LATS2: variants seen among roughly 807,000 people sequenced by gnomAD.
LATS2 encodes the protein large tumor suppressor kinase 2, also known as serine/threonine-protein kinase LATS2.
Under a neutral mutation model 76.0 loss-of-function variants are expected in LATS2, and 24 were observed. That is an observed-to-expected ratio of 0.32 (90% CI 0.23 to 0.44). The LOEUF is 0.44. Among genes scored for constraint, LATS2 ranks in the 20% least tolerant of loss-of-function variants. The pLI is 1.00. For missense variants in LATS2, 1,286 were observed against 1,481.2 expected, an observed-to-expected ratio of 0.87 and a Z score of 2.16; for synonymous variants, 692 against 635.4, an observed-to-expected ratio of 1.09 and a Z score of -1.34.
chr13:21,024,897 C>G (rs955286734), intron 2 of LATS2, among the ~76,000 whole-genome samples: 9 of 152,188 alleles, frequency 5.9e-5, no homozygotes, highest in Non-Finnish European at 1.0e-4. Context: ...TCCAAAGCCA[C>G]GCATGGCCTG....
At chr13:20,975,881 A>G (rs1869601214) in intron 7 of LATS2, among the ~76,000 whole-genome samples, 1 of 152,162 alleles carries the variant, frequency 6.6e-6, no homozygotes, top group South Asian at 2.1e-4. Flanking sequence ...ACAGGGTTTC[A>G]CCACGTTGGC....
intron 2 of LATS2, among the ~76,000 whole-genome samples, chr13:21,007,704 GTATATATA>G (rs1319851169): frequency 4.0e-4 from 1 of 2,488 alleles, no homozygotes; most frequent in African/African-American, 2.0e-3. Flanking sequence ...TATATAGTAT[GTATATATA>G]TATATATATA....
chr13:21,054,476 G>C (rs905553156), intron 1 of LATS2, among the ~76,000 whole-genome samples: 1 of 152,116 alleles, frequency 6.6e-6, no homozygotes, highest in Non-Finnish European at 1.5e-5. Flanking sequence ...CCTAGGGACT[G>C]GGTAGGATAT....
At chr13:21,003,836 A>G (rs1004957440) in intron 2 of LATS2, among the ~76,000 whole-genome samples, 3 of 152,156 alleles carry the variant, frequency 2.0e-5, no homozygotes, top group Non-Finnish European at 2.9e-5. Flanking sequence ...AGCCTCCCAA[A>G]GTGCTGGGAG....
At chr13:21,002,182 G>C (rs182543903) in intron 2 of LATS2, among the ~76,000 whole-genome samples, 11 of 151,952 alleles carry the variant, frequency 7.2e-5, no homozygotes, top group Non-Finnish European at 1.6e-4. Context: ...TAAAGTGCTG[G>C]GATTACACGT....
At chr13:21,053,556 A>G (rs1873350653) in intron 1 of LATS2, among the ~76,000 whole-genome samples, 1 of 152,140 alleles carries the variant, frequency 6.6e-6, no homozygotes, top group South Asian at 2.1e-4. Flanking sequence ...CTGCGTCCTC[A>G]GTTCCACACT....
Position 20,973,170 on chromosome 13 carries a change from TAAC to T in LATS2, c.*1697_*1699del. 1 of 232,606 alleles carries T rather than the reference TAAC, an allele frequency of 4.3e-6. No individual in the cohort carries two copies. Among genetic ancestry groups the T allele is most frequent in the Non-Finnish European group, 8.5e-6 (1 of 117,458 alleles). The allele number at this position is 232,606 out of a possible 1,614,324, so 14.4% of individuals were successfully genotyped here. A position where few individuals can be genotyped will look rare whatever the true frequency, so the allele number is the denominator to read the frequency against. Reference sequence around the variant, plus strand: ...TGAAAGTATGTCAGAGCGCTGTGAGTAACAACATGGCACGACTATAAAATAGCG... The same window carrying T: ...TGAAAGTATGTCAGAGCGCTGTGAGTAACATGGCACGACTATAAAATAGCG... On this transcript the variant is annotated 3_prime_UTR_variant, in exon 8 of 8. Coordinates refer to ENST00000382592, the MANE Select transcript of LATS2 (RefSeq NM_014572.3).
At chr13:21,007,581 A>AG (rs1303726030) in intron 2 of LATS2, among the ~76,000 whole-genome samples, 4 of 19,648 alleles carry the variant, frequency 2.0e-4, no homozygotes, top group African/African-American at 8.3e-4. Context: ...ATATATATAT[A>AG]TATATAGTAT....
At chr13:21,019,157 C>T (rs1365062370) in intron 2 of LATS2, among the ~76,000 whole-genome samples, 1 of 152,146 alleles carries the variant, frequency 6.6e-6, no homozygotes, top group African/African-American at 2.4e-5. Flanking sequence ...ATTTTTAATA[C>T]ATCTTAAGCA....
chr13:21,039,276 G>C (rs1245959712), intron 2 of LATS2, among the ~76,000 whole-genome samples: 2 of 152,110 alleles, frequency 1.3e-5, no homozygotes, highest in Admixed American at 6.5e-5. Context: ...ATTTCAGCAC[G>C]CGTGTTCAGT....
intron 2 of LATS2, among the ~76,000 whole-genome samples, chr13:21,014,889 C>T (rs1871740961): frequency 6.6e-6 from 1 of 152,218 alleles, no homozygotes; most frequent in Non-Finnish European, 1.5e-5. Flanking sequence ...ATTCTAAGAT[C>T]TTGTCTGCTT....
chr13:21,035,639 A>T (rs1177439020), intron 2 of LATS2, among the ~76,000 whole-genome samples: 1 of 152,250 alleles, frequency 6.6e-6, no homozygotes, highest in Non-Finnish European at 1.5e-5. Flanking sequence ...GGTGTGACAC[A>T]ACAGGCATTA....
At position 20,984,532 on chromosome 13, in the gene LATS2, C is replaced by G. The variant is rs368577911; in HGVS notation, c.1900-726G>C. On this transcript the variant is annotated intron_variant, in intron 4 of 7. Transcript: ENST00000382592. Reference sequence around the variant, plus strand: ...AGAGATAGGGTCTAGTTTCATTCTTCTGCATATGGATATCTGGATTTCTGT... The same window carrying G: ...AGAGATAGGGTCTAGTTTCATTCTTGTGCATATGGATATCTGGATTTCTGT... Among the ~76,000 whole-genome samples, 20 of 152,252 alleles carry G rather than the reference C, an allele frequency of 1.3e-4. No individual in the cohort carries two copies. In the East Asian group the frequency reaches 2.3e-3, roughly 18 times the overall value.
At chr13:20,999,863 C>CA (rs34389397) in intron 2 of LATS2, among the ~76,000 whole-genome samples, 40,694 of 136,076 alleles carry the variant, frequency 0.3, 7,102 homozygotes, top group African/African-American at 0.47. Context: ...ACTAAACATA[C>CA]AAAAAAAAAA....
chr13:20,991,645 A>G lies in LATS2; in HGVS notation c.343-241T>C, dbSNP rs1297843918. On this transcript the variant is annotated intron_variant, in intron 2 of 7. Transcript: ENST00000382592. This position sits in a 1 kb window ranked among gnomAD's most constrained non-coding sequence, Gnocchi z 4.9. ...GACTATTTAGCCTTATGTCAAGGACATATGGGAATTTTGATGATGGGCCTG... is the reference window on the plus strand; with the variant it reads ...GACTATTTAGCCTTATGTCAAGGACGTATGGGAATTTTGATGATGGGCCTG... Among the ~76,000 whole-genome samples, 1 of 152,232 alleles carries G rather than the reference A, an allele frequency of 6.6e-6. No individual in the cohort carries two copies. Among genetic ancestry groups the G allele is most frequent in the African/African-American group, 2.4e-5 (1 of 41,480 alleles).
In LATS2 at chr13:21,011,728, A is replaced by C. The variant is rs368849287; in HGVS notation, c.343-20324T>G. Among the ~76,000 whole-genome samples, 18 of 152,368 alleles carry C rather than the reference A, an allele frequency of 1.2e-4. No individual in the cohort carries two copies. The East Asian group carries it at 1.7e-3, about 15-fold the overall frequency. On this transcript the variant is annotated intron_variant, in intron 2 of 7. Coordinates refer to ENST00000382592, the MANE Select transcript of LATS2 (RefSeq NM_014572.3). ...GTTTCAAAAATGATAGAATGTATTA[A>C]TACAGTCATGCATTCCTTAAATATG... is the stretch of plus-strand genomic sequence containing the variant.
At chr13:21,040,215 C>T (rs1872821175) in intron 2 of LATS2, among the ~76,000 whole-genome samples, 1 of 151,770 alleles carries the variant, frequency 6.6e-6, no homozygotes, top group African/African-American at 2.4e-5. Flanking sequence ...GGTGAAACCC[C>T]GTCTCTACAA....
chr13:20,984,636 A>G (rs1464185688), intron 4 of LATS2, among the ~76,000 whole-genome samples: 1 of 152,220 alleles, frequency 6.6e-6, no homozygotes, highest in Admixed American at 6.5e-5. Context: ...AAAGAGCTCT[A>G]CAAAGAAAAC....
intron 2 of LATS2, among the ~76,000 whole-genome samples, chr13:21,007,874 C>T (rs1161191485): frequency 7.0e-6 from 1 of 142,428 alleles, no homozygotes; most frequent in Non-Finnish European, 1.5e-5. Flanking sequence ...ATCCTCCTGC[C>T]TCAGCCTCCT....
Sources: gnomAD v4.1 joint callset for allele counts (sites outside exome capture counted in the v4.1 genomes callset) on GRCh38, gnomAD v4.1.1 for gene constraint, Gnocchi (gnomAD v3.1) non-coding constraint, MANE v1.5 for transcripts, NCBI Gene and HGNC (gene_info 2026-07-23, HGNC 2026-07-21) for gene names.